The following MIR2052HG variants were observed in gnomAD, a reference collection of about 807,000 sequenced individuals.
The protein encoded by MIR2052HG is MIR2052 host gene.
intron 4 of MIR2052HG, among the ~76,000 whole-genome samples, chr8:74,720,029 T>C (rs187281852): frequency 1.3e-5 from 2 of 151,982 alleles, no homozygotes; most frequent in African/African-American, 4.8e-5. Context: ...GTTTTGCATT[T>C]TTAATAGAGA....
At chr8:74,755,360 G>T (rs950953764) in intron 5 of MIR2052HG, among the ~76,000 whole-genome samples, 1 of 152,176 alleles carries the variant, frequency 6.6e-6, no homozygotes, top group Non-Finnish European at 1.5e-5. Flanking sequence ...CCTCTAAAAA[G>T]ATTAGACTGT....
intron 2 of MIR2052HG, among the ~76,000 whole-genome samples, chr8:74,700,048 A>G (rs1190661421): frequency 6.6e-6 from 1 of 152,182 alleles, no homozygotes; most frequent in Non-Finnish European, 1.5e-5. Context: ...TAACAATGCT[A>G]TGATGAAGGT....
intron 2 of MIR2052HG, among the ~76,000 whole-genome samples, chr8:74,641,733 C>T (rs1220183595): frequency 6.6e-6 from 1 of 151,938 alleles, no homozygotes; most frequent in Non-Finnish European, 1.5e-5. Flanking sequence ...TATACATGAA[C>T]CTGTTTATCC....
At chr8:74,695,823 A>T (rs1809290109) in intron 2 of MIR2052HG, among the ~76,000 whole-genome samples, 2 of 152,164 alleles carry the variant, frequency 1.3e-5, no homozygotes, top group African/African-American at 4.8e-5. Context: ...AAATTTATGA[A>T]ACAATTACTA....
intron 1 of MIR2052HG, chr8:74,604,280 G>A (rs927660812): frequency 1.3e-5 from 10 of 776,994 alleles, no homozygotes; most frequent in African/African-American, 3.4e-5. Context: ...ACTTTGAGTG[G>A]TCAAGTCTTT....
intron 1 of MIR2052HG, among the ~76,000 whole-genome samples, chr8:74,602,392 C>G (rs1439383261): frequency 2.6e-5 from 4 of 152,206 alleles, no homozygotes; most frequent in African/African-American, 7.2e-5. Context: ...TTGCCTGCCC[C>G]TTTCCCAGAA....
chr8:74,602,225 C>G (rs544131382), intron 1 of MIR2052HG, among the ~76,000 whole-genome samples: 1 of 152,282 alleles, frequency 6.6e-6, no homozygotes. Context: ...TGAAAGTGAC[C>G]TTTGATCATC....
chr8:74,678,923 A>T (rs1809086542), intron 2 of MIR2052HG, among the ~76,000 whole-genome samples: 1 of 152,176 alleles, frequency 6.6e-6, no homozygotes, highest in Non-Finnish European at 1.5e-5. Flanking sequence ...TAATTATATA[A>T]ATTTCATTCA....
chr8:74,685,344 C>A (rs1163434592), intron 2 of MIR2052HG, among the ~76,000 whole-genome samples: 1 of 151,988 alleles, frequency 6.6e-6, no homozygotes, highest in Non-Finnish European at 1.5e-5. Context: ...TTTGAGAAAA[C>A]CATTTGCCAC....
intron 4 of MIR2052HG, among the ~76,000 whole-genome samples, chr8:74,704,404 G>A (rs1204043012): frequency 6.6e-6 from 1 of 151,946 alleles, no homozygotes; most frequent in Non-Finnish European, 1.5e-5. Flanking sequence ...GTCTTTCCAG[G>A]CACTAACTAC....
chr8:74,638,688 T>C (rs1000252428), intron 2 of MIR2052HG, among the ~76,000 whole-genome samples: 1 of 152,148 alleles, frequency 6.6e-6, no homozygotes, highest in Non-Finnish European at 1.5e-5. Context: ...TGAGAAACAC[T>C]GTCTCTGAGG....
rs796255019 is a variant in MIR2052HG, at chr8:74,696,838, C to CA, written n.217-5531dup. On this transcript the variant is annotated intron_variant and non_coding_transcript_variant, in intron 2 of 6. Coordinates refer to ENST00000523442, the Ensembl canonical transcript of MIR2052HG. The stretch of plus-strand genomic sequence containing the variant: ...TAAAATGGTAATTTAAAAAATGCCA[C>CA]AAAAAAAAAAGTCCAGGACCAGATG... 3.0e-3 allele frequency among the ~76,000 whole-genome samples: 430 copies of CA among 144,432 alleles called. 2 individuals carry two copies. Among genetic ancestry groups the CA allele is most frequent in the African/African-American group, 0.01 (402 of 39,494 alleles). 94.8% of individuals were successfully genotyped at this position (144,432 alleles called of 152,430 possible). A position where few individuals can be genotyped will look rare whatever the true frequency, so the allele number is the denominator to read the frequency against.
intron 2 of MIR2052HG, among the ~76,000 whole-genome samples, chr8:74,676,867 T>A (rs1474650848): frequency 6.6e-6 from 1 of 151,994 alleles, no homozygotes; most frequent in Non-Finnish European, 1.5e-5. Flanking sequence ...TGGATTGTGG[T>A]AATCATTTCA....
At chr8:74,644,345 G>A (rs560565037) in intron 2 of MIR2052HG, among the ~76,000 whole-genome samples, 6 of 152,144 alleles carry the variant, frequency 3.9e-5, no homozygotes, top group Non-Finnish European at 7.3e-5. Context: ...TTACCACTGT[G>A]TTACAATTGC....
intron 2 of MIR2052HG, among the ~76,000 whole-genome samples, chr8:74,687,494 C>T (rs934021571): frequency 2.0e-5 from 3 of 152,042 alleles, no homozygotes; most frequent in Non-Finnish European, 4.4e-5. Context: ...TATATACATA[C>T]AATGGAATTA....
chr8:74,602,435 A>G (rs1410673189), intron 1 of MIR2052HG, among the ~76,000 whole-genome samples: 2 of 152,148 alleles, frequency 1.3e-5, no homozygotes, highest in African/African-American at 4.8e-5. Flanking sequence ...TGTTTAGCAT[A>G]TGATCAAGAA....
intron 2 of MIR2052HG, among the ~76,000 whole-genome samples, chr8:74,696,820 G>A (rs1176756860): frequency 1.3e-5 from 2 of 151,260 alleles, no homozygotes; most frequent in East Asian, 3.9e-4. Context: ...GATTAAAATG[G>A]TAATTTAAAA....
chr8:74,700,878 T>G (rs1809350712), intron 2 of MIR2052HG, among the ~76,000 whole-genome samples: 1 of 152,184 alleles, frequency 6.6e-6, no homozygotes. Flanking sequence ...CAAATATGTA[T>G]TGATGTTTTC....
chr8:74,705,685 G>A (rs761288841), intron 4 of MIR2052HG: 6 of 170,174 alleles, frequency 3.5e-5, no homozygotes, highest in African/African-American at 1.4e-4. Flanking sequence ...TCCAAGAAAA[G>A]CTGGTTGCTG....
Sources: allele counts gnomAD v4.1 joint callset (sites outside exome capture counted in the v4.1 genomes callset), GRCh38; gene constraint gnomAD v4.1.1; transcripts MANE v1.5; gene names NCBI Gene and HGNC (gene_info 2026-07-23, HGNC 2026-07-21).